The following DNMT3L variants were observed in gnomAD, a reference collection of about 807,000 sequenced individuals.
DNMT3L encodes DNA (cytosine-5)-methyltransferase 3-like.
DNMT3L carries 33 observed loss-of-function variants against 36.2 expected under a neutral mutation model. The observed-to-expected ratio is 0.91, with a 90% CI of 0.69 to 1.22. The LOEUF (loss-of-function observed/expected upper bound fraction) is 1.22. Among genes scored for constraint, DNMT3L ranks in the 50% most tolerant of loss-of-function variants. The probability of loss-of-function intolerance (pLI) is 0.00; values close to 1 mark genes in which losing one functional copy is unlikely to be tolerated. For missense variants in DNMT3L, 310 were observed against 303.1 expected, an observed-to-expected ratio of 1.02 and a Z score of -0.17; for synonymous variants, 117 against 121.7, an observed-to-expected ratio of 0.96 and a Z score of 0.26.
intron 8 of DNMT3L, 131 bp downstream of exon 8, chr21:44,254,486 C>T (rs2040241894): frequency 1.0e-6 from 1 of 973,348 alleles, no homozygotes; most frequent in Non-Finnish European, 1.5e-6. Context: ...TGCCGAGAGG[C>T]CCCCGTGTGT....
chr21:44,261,158 G>T lies in DNMT3L; in HGVS notation c.102C>A (p.Gly34=), dbSNP rs1416246835. 4.3e-6 allele frequency: 7 copies of T among 1,612,672 alleles called. No individual in the cohort carries two copies. Among genetic ancestry groups the T allele is most frequent in the Non-Finnish European group, 5.9e-6 (7 of 1,179,872 alleles). The part of the protein sequence containing the change: ...ELSSSVSPGT[G]RDLIAYEVKA... The stretch of plus-strand genomic sequence containing the variant: ...AATAAGCAGATGAGCCCTCACCTCT[G>T]CCTGTCCCGGGTGAAACGGAGCTTG... Residue 34 remains glycine (G), a synonymous_variant, in exon 2 of 12, where the codon GGC becomes GGA. Coordinates refer to ENST00000628202, the MANE Select transcript of DNMT3L (RefSeq NM_175867.3).
At position 44,259,451 on chromosome 21, in the gene DNMT3L, G is replaced by T. The variant is rs1255376404; in HGVS notation, c.330C>A (p.Asn110Lys). 2.5e-6 allele frequency: 4 copies of T among 1,613,642 alleles called. No individual in the cohort carries two copies. The highest frequency in any genetic ancestry group is 3.4e-6 in the Non-Finnish European group (4 of 1,180,008). The change falls in exon 5 of 12, where the codon AAC (asparagine) becomes AAA (lysine). Residue 110 changes from asparagine (N) to lysine (K), a missense_variant. Coordinates refer to ENST00000628202, the MANE Select transcript of DNMT3L (RefSeq NM_175867.3). ...CCTCGCCTCACCGGGTGCAATCAGG[G>T]TTTCCGCAGATGAGCAGCGTCTCTC... ...CSGETLLICG[N>K]PDCTRCYCFE...
At chr21:44,261,029 C>T in intron 2 of DNMT3L, 125 bp downstream of exon 2, 1 of 1,384,550 alleles carries the variant, frequency 7.2e-7, no homozygotes, top group Non-Finnish European at 1.0e-6. Context: ...GGGTGGGGAA[C>T]CTCCTGCCCC....
intron 5 of DNMT3L, 53 bp downstream of exon 5, chr21:44,259,384 G>A (rs2040294761): frequency 6.4e-7 from 1 of 1,554,384 alleles, no homozygotes; most frequent in East Asian, 2.3e-5. Flanking sequence ...GTAGCTGAAA[G>A]GATGGGTGTG....
At chr21:44,254,756 C>T in intron 7 of DNMT3L, 51 bp from the exon 8 acceptor site, 1 of 1,588,464 alleles carries the variant, frequency 6.3e-7, no homozygotes, top group Non-Finnish European at 8.6e-7. Context: ...GGATTGTGCC[C>T]CTACAGGGAC....
In DNMT3L at chr21:44,256,005, A is replaced by G. The variant is rs1484314349; in HGVS notation, c.604+62T>C. On this transcript the variant is annotated intron_variant, in intron 7 of 11. Coordinates refer to ENST00000628202, the MANE Select transcript of DNMT3L (RefSeq NM_175867.3). ...GTGGGGAGTCCCGGGGGGTGGCCTGAGGGGCAGTCAGGTGTTTAGAGGCAT... is the reference window on the plus strand; with the variant it reads ...GTGGGGAGTCCCGGGGGGTGGCCTGGGGGGCAGTCAGGTGTTTAGAGGCAT... The G allele has an allele frequency of 5.7e-6, 9 of 1,573,360 alleles. No homozygotes were observed. The Admixed American group carries it at 1.5e-4, about 26-fold the overall frequency.
intron 7 of DNMT3L, 92 bp downstream of exon 7, chr21:44,255,975 A>C: frequency 1.7e-6 from 2 of 1,180,416 alleles, no homozygotes; most frequent in Non-Finnish European, 2.3e-6. Context: ...GGTCTAGGGG[A>C]GGGGGTGGGG....
In DNMT3L at chr21:44,258,250, G is replaced by A. The variant is rs1055990006; in HGVS notation, c.516+273C>T. Among the ~76,000 whole-genome samples the A allele has an allele frequency of 6.6e-6, 1 of 151,948 alleles. No homozygotes were observed. The highest frequency in any genetic ancestry group is 2.4e-5 in the African/African-American group (1 of 41,368). ...CACTTGCTCCTGAGGACTGGACTTT[G>A]AGACGTGCCAGCCACCCTCTCCCGG... On this transcript the variant is annotated intron_variant, in intron 6 of 11. Transcript: ENST00000628202. This position sits in a 1 kb window ranked among gnomAD's most constrained non-coding sequence, Gnocchi z 6.2.
intron 8 of DNMT3L, among the ~76,000 whole-genome samples, chr21:44,253,761 A>G (rs1035774592): frequency 1.3e-5 from 2 of 152,124 alleles, no homozygotes; most frequent in Non-Finnish European, 2.9e-5. Flanking sequence ...TAAGATAGTC[A>G]AGTATCAGAA....
chr21:44,258,821 C>A lies in DNMT3L; in HGVS notation c.345-127G>T, dbSNP rs553900390. Reference sequence around the variant, plus strand: ...ACGCTGGAGCTCCCTTTGGGAAGACCAGGTGGTGGACTGGGAAGAGGGAGA... The same window carrying A: ...ACGCTGGAGCTCCCTTTGGGAAGACAAGGTGGTGGACTGGGAAGAGGGAGA... On this transcript the variant is annotated intron_variant, in intron 5 of 11. Transcript: ENST00000628202. This position sits in a 1 kb window ranked among gnomAD's most constrained non-coding sequence, Gnocchi z 6.2. 6 of 1,316,940 alleles carry A rather than the reference C, an allele frequency of 4.6e-6. No individual in the cohort carries two copies. The South Asian group carries it at 7.5e-5, about 17-fold the overall frequency. 81.6% of individuals were successfully genotyped at this position (1,316,940 alleles called of 1,614,324 possible). A position where few individuals can be genotyped will look rare whatever the true frequency, so the allele number is the denominator to read the frequency against.
Position 44,257,573 on chromosome 21 carries a change from T to C in DNMT3L, c.516+950A>G, listed in dbSNP as rs538446898. Among the ~76,000 whole-genome samples the C allele has an allele frequency of 3.5e-4, 52 of 147,354 alleles. No individual in the cohort carries two copies. The East Asian group carries it at 8.7e-3, about 25-fold the overall frequency. On this transcript the variant is annotated intron_variant, in intron 6 of 11. Coordinates refer to ENST00000628202, the MANE Select transcript of DNMT3L (RefSeq NM_175867.3). ...GCGGGCGCCTGTAGTCCCAGCTACTTGGGAGGCTGAGGCAGGAGAATGGCG... is the reference window on the plus strand; with the variant it reads ...GCGGGCGCCTGTAGTCCCAGCTACTCGGGAGGCTGAGGCAGGAGAATGGCG...
chr21:44,261,286 C>T lies in DNMT3L; in HGVS notation c.-7-20G>A, dbSNP rs750675330. ...GGGATGCTGTGTCAGGACACACGGA[C>T]ACAGATGTGAGAAAGCCGTCAGCCC... On this transcript the variant is annotated intron_variant, in intron 1 of 11. Transcript: ENST00000628202. The T allele has an allele frequency of 3.7e-6, 6 of 1,608,728 alleles. No individual in the cohort carries two copies. Among genetic ancestry groups the T allele is most frequent in the Non-Finnish European group, 5.1e-6 (6 of 1,177,720 alleles).
chr21:44,256,237 G>T, intron 6 of DNMT3L, 83 bp from the exon 7 acceptor site: 1 of 1,394,638 alleles, frequency 7.2e-7, no homozygotes, highest in Non-Finnish European at 1.0e-6. Flanking sequence ...ATTCTTCCCT[G>T]GATGAACACT....
At chr21:44,256,930 G>A (rs2040263864) in intron 6 of DNMT3L, among the ~76,000 whole-genome samples, 1 of 152,208 alleles carries the variant, frequency 6.6e-6, no homozygotes. Flanking sequence ...AGCTTGCTAG[G>A]CAGGGAGAGA....
chr21:44,254,987 G>A (rs1273095490), intron 7 of DNMT3L, among the ~76,000 whole-genome samples: 4 of 151,982 alleles, frequency 2.6e-5, no homozygotes, highest in Admixed American at 6.6e-5. Flanking sequence ...CACCACGCCC[G>A]GCTAATTTTT....
chr21:44,260,428 GA>G (rs750992279), intron 3 of DNMT3L, among the ~76,000 whole-genome samples: 8 of 152,128 alleles, frequency 5.3e-5, no homozygotes, highest in Non-Finnish European at 8.8e-5. Flanking sequence ...GGGGCCTTGG[GA>G]GGGGGAGAAG....
chr21:44,254,610 T>C lies in DNMT3L; in HGVS notation c.693+7A>G. 1 of 1,613,624 alleles carries C rather than the reference T, an allele frequency of 6.2e-7. No homozygotes were observed. Among genetic ancestry groups the C allele is most frequent in the Non-Finnish European group, 8.5e-7 (1 of 1,179,782 alleles). On this transcript the variant is annotated splice_region_variant and intron_variant, in intron 8 of 11. Transcript: ENST00000628202. ...TACAGTGTCTGAGAGTTCACGGCGG[T>C]ACTCACATCCTTCCTCACTGTGTCT...
chr21:44,258,695 C>G lies in DNMT3L; in HGVS notation c.345-1G>C, dbSNP rs537042586. On this transcript the variant is annotated splice_acceptor_variant, in intron 5 of 11. Transcript: ENST00000628202. LOFTEE classifies it high-confidence loss of function. This position sits in a 1 kb window ranked among gnomAD's most constrained non-coding sequence, Gnocchi z 6.2. ...ATCCACACACTCGAAGCAGTAGCAT[C>G]TAAGGCCAGACAGAAAACCACAGCA... 2 of 1,611,688 alleles carry G rather than the reference C, an allele frequency of 1.2e-6. No individual in the cohort carries two copies. Among genetic ancestry groups the G allele is most frequent in the South Asian group, 2.2e-5 (2 of 91,022 alleles).
At chr21:44,256,327 C>T (rs934594267) in intron 6 of DNMT3L, among the ~76,000 whole-genome samples, 173 bp from the exon 7 acceptor site, 2 of 152,022 alleles carry the variant, frequency 1.3e-5, no homozygotes, top group Non-Finnish European at 2.9e-5. Flanking sequence ...ACTGCCCCCC[C>T]AGGAAGGCCA....
Sources: allele counts gnomAD v4.1 joint callset (sites outside exome capture counted in the v4.1 genomes callset), GRCh38; gene constraint gnomAD v4.1.1; non-coding constraint Gnocchi (gnomAD v3.1); transcripts MANE v1.5; gene names NCBI Gene and HGNC (gene_info 2026-07-23, HGNC 2026-07-21).